GRXCR1: variants seen among roughly 807,000 people sequenced by gnomAD.
The protein encoded by GRXCR1 is glutaredoxin domain-containing cysteine-rich protein 1.
A neutral mutation model predicts 27.3 loss-of-function variants in GRXCR1; 27 were observed. That is an observed-to-expected ratio of 0.99 (90% CI 0.73 to 1.37). GRXCR1 has a LOEUF of 1.37. GRXCR1 is among the 40% of genes most tolerant of loss of function. The pLI is 0.00. For synonymous variants in GRXCR1, 122 were observed against 131.1 expected (o/e 0.93, Z 0.47); for missense variants, 379 against 354.4 (o/e 1.07, Z -0.56).
At chr4:42,989,401 C>T (rs921048275) in intron 2 of GRXCR1, among the ~76,000 whole-genome samples, 15 of 152,122 alleles carry the variant, frequency 9.9e-5, no homozygotes, top group African/African-American at 2.9e-4. Flanking sequence ...TTAATTACCT[C>T]CTTAAAAGCC....
At chr4:42,914,704 G>A (rs1244141650) in intron 1 of GRXCR1, among the ~76,000 whole-genome samples, 1 of 152,104 alleles carries the variant, frequency 6.6e-6, no homozygotes, top group African/African-American at 2.4e-5. Flanking sequence ...TATGGCTTGG[G>A]TCTTTGTCCC....
At chr4:42,956,481 C>A (rs1748007364) in intron 1 of GRXCR1, among the ~76,000 whole-genome samples, 1 of 151,096 alleles carries the variant, frequency 6.6e-6, no homozygotes, top group Admixed American at 6.6e-5. Flanking sequence ...AAGGCAATAT[C>A]ATTTAAAGTT....
At chr4:42,896,553 A>G (rs1746350389) in intron 1 of GRXCR1, among the ~76,000 whole-genome samples, 1 of 151,862 alleles carries the variant, frequency 6.6e-6, no homozygotes, top group Non-Finnish European at 1.5e-5. Context: ...GAATTTGCCA[A>G]CTCTCCCAGA....
At chr4:42,993,961 C>T (rs1712059560) in intron 2 of GRXCR1, among the ~76,000 whole-genome samples, 1 of 152,008 alleles carries the variant, frequency 6.6e-6, no homozygotes, top group Non-Finnish European at 1.5e-5. Flanking sequence ...GCACTGTGAT[C>T]GTAAGTCATT....
chr4:42,947,207 G>A (rs1359510867), intron 1 of GRXCR1, among the ~76,000 whole-genome samples: 1 of 152,082 alleles, frequency 6.6e-6, no homozygotes, highest in African/African-American at 2.4e-5. Flanking sequence ...TCATCAGAGA[G>A]GATGAGGTGG....
chr4:42,909,542 T>C (rs1746670311), intron 1 of GRXCR1, among the ~76,000 whole-genome samples: 1 of 152,188 alleles, frequency 6.6e-6, no homozygotes, highest in South Asian at 2.1e-4. Context: ...TTTTCCTTTT[T>C]CTAAAATGCA....
chr4:42,981,382 T>C (rs1303435325), intron 2 of GRXCR1, among the ~76,000 whole-genome samples: 2 of 152,186 alleles, frequency 1.3e-5, no homozygotes, highest in Admixed American at 6.6e-5. Context: ...AGTTTGTCTT[T>C]TTATACTGCA....
chr4:42,924,181 T>C (rs1747088204), intron 1 of GRXCR1, among the ~76,000 whole-genome samples: 1 of 152,064 alleles, frequency 6.6e-6, no homozygotes, highest in Admixed American at 6.6e-5. Context: ...AAGAATCGGG[T>C]CTTACAATTC....
chr4:42,927,660 G>T lies in GRXCR1; in HGVS notation c.384+34010G>T, dbSNP rs544786246. Among the ~76,000 whole-genome samples, 185 of 151,590 alleles carry T rather than the reference G, an allele frequency of 1.2e-3. 1 individual carries two copies. The highest frequency in any genetic ancestry group is 2.1e-3 in the Non-Finnish European group (141 of 67,812). On this transcript the variant is annotated intron_variant, in intron 1 of 3. Transcript: ENST00000399770. ...TAAATGTCTGGACCTAAGAAAGAAA[G>T]AACTGCAAGAAAACAGAAAAAAAAA...
At chr4:42,948,784 A>G (rs183938084) in intron 1 of GRXCR1, among the ~76,000 whole-genome samples, 4 of 152,260 alleles carry the variant, frequency 2.6e-5, no homozygotes. Context: ...AAAAGGAGGC[A>G]GGAAGATCAG....
In GRXCR1 at chr4:42,949,140, G is replaced by A. The variant is rs555346552; in HGVS notation, c.385-13752G>A. Among the ~76,000 whole-genome samples, 5 of 152,040 alleles carry A rather than the reference G, an allele frequency of 3.3e-5. No homozygotes were observed. The South Asian group carries it at 1.0e-3, about 32-fold the overall frequency. ...GGAGGCTAAGGTGGGCAGATCACGAGGTCAGGAGATCGAGACCCTCCTGGC... is the reference window on the plus strand; with the variant it reads ...GGAGGCTAAGGTGGGCAGATCACGAAGTCAGGAGATCGAGACCCTCCTGGC... On this transcript the variant is annotated intron_variant, in intron 1 of 3. Coordinates refer to ENST00000399770, the MANE Select transcript of GRXCR1 (RefSeq NM_001080476.3).
chr4:42,971,592 G>T (rs1045967432), intron 2 of GRXCR1, among the ~76,000 whole-genome samples: 4 of 151,864 alleles, frequency 2.6e-5, no homozygotes, highest in Admixed American at 1.3e-4. Context: ...TTCCACCCAC[G>T]TTCAAAAAAC....
intron 1 of GRXCR1, among the ~76,000 whole-genome samples, chr4:42,925,282 G>A (rs1747133508): frequency 6.6e-6 from 1 of 151,954 alleles, no homozygotes; most frequent in Non-Finnish European, 1.5e-5. Flanking sequence ...AATTGGTTGG[G>A]GGGCATGAGT....
At chr4:43,021,562 C>T (rs1285665733) in intron 3 of GRXCR1, among the ~76,000 whole-genome samples, 1 of 152,160 alleles carries the variant, frequency 6.6e-6, no homozygotes, top group African/African-American at 2.4e-5. Context: ...CTACTGTTTA[C>T]AGGTACTTTG....
intron 1 of GRXCR1, among the ~76,000 whole-genome samples, chr4:42,948,685 T>C (rs1407855863): frequency 1.3e-5 from 2 of 151,982 alleles, no homozygotes; most frequent in East Asian, 1.9e-4. Flanking sequence ...TAAGGAGACT[T>C]TGTAGATGTG....
At chr4:42,980,897 T>C (rs1748647624) in intron 2 of GRXCR1, among the ~76,000 whole-genome samples, 1 of 151,954 alleles carries the variant, frequency 6.6e-6, no homozygotes, top group South Asian at 2.1e-4. Flanking sequence ...TCAGTCTTTA[T>C]GTGCCCTTAC....
intron 2 of GRXCR1, among the ~76,000 whole-genome samples, chr4:42,967,506 G>A (rs1462211978): frequency 1.3e-5 from 2 of 151,768 alleles, no homozygotes; most frequent in Non-Finnish European, 2.9e-5. Context: ...TTGTCTTTTT[G>A]AGTATATAGG....
chr4:42,899,344 A>G (rs1163019373), intron 1 of GRXCR1, among the ~76,000 whole-genome samples: 3 of 152,154 alleles, frequency 2.0e-5, no homozygotes, highest in Non-Finnish European at 4.4e-5. Context: ...TGTGAGGACT[A>G]AAACCCAATT....
intron 1 of GRXCR1, among the ~76,000 whole-genome samples, chr4:42,945,445 GCTT>G (rs1183345587): frequency 2.6e-5 from 4 of 152,012 alleles, no homozygotes; most frequent in Non-Finnish European, 4.4e-5. Context: ...TTTCCTTTCT[GCTT>G]CTTCTTTCCT....
Sources: allele counts gnomAD v4.1 joint callset (sites outside exome capture counted in the v4.1 genomes callset), GRCh38; gene constraint gnomAD v4.1.1; transcripts MANE v1.5; gene names NCBI Gene and HGNC (gene_info 2026-07-23, HGNC 2026-07-21).